KIRREL3: variants seen among roughly 807,000 people sequenced by gnomAD.
The protein encoded by KIRREL3 is kirre like nephrin family adhesion molecule 3, also known as kin of IRRE-like protein 3.
In KIRREL3, 36 loss-of-function variants were observed where a neutral mutation model predicts 89.7. The ratio of observed to expected loss-of-function variants is 0.40; its 90% CI spans 0.31 to 0.53. The LOEUF (loss-of-function observed/expected upper bound fraction) is 0.53. Ranked by LOEUF, KIRREL3 falls within the 20% of genes least tolerant of loss-of-function variation. The pLI is 0.49. For missense variants in KIRREL3, 864 were observed against 1,056.6 expected (o/e 0.82, Z 2.53); for synonymous variants, 445 against 441.4 (o/e 1.01, Z -0.10).
chr11:126,664,606 G>A lies in KIRREL3; in HGVS notation c.56-101694C>T, dbSNP rs556829812. ...ATCATTTCTACAGCAGAGCTGCCCA[G>A]AGGATCACCATTGTTACCAGCTCCG... is the stretch of plus-strand genomic sequence containing the variant. On this transcript the variant is annotated intron_variant, in intron 1 of 16. Transcript: ENST00000525144. The surrounding 1 kb of genome is among the most constrained non-coding windows in gnomAD (Gnocchi z 5.4). 1.3e-5 allele frequency among the ~76,000 whole-genome samples: 2 copies of A among 152,330 alleles called. No homozygotes were observed. The highest frequency in any genetic ancestry group is 4.1e-4 in the South Asian group (2 of 4,820).
intron 1 of KIRREL3, among the ~76,000 whole-genome samples, chr11:126,886,319 A>C (rs1394476817): frequency 1.3e-5 from 2 of 152,158 alleles, no homozygotes; most frequent in Non-Finnish European, 2.9e-5. Flanking sequence ...CCTCTTCGGA[A>C]TCTCTCCTGA....
chr11:126,961,283 C>T (rs1949078226), intron 1 of KIRREL3, among the ~76,000 whole-genome samples: 2 of 152,208 alleles, frequency 1.3e-5, no homozygotes, highest in Non-Finnish European at 2.9e-5. Context: ...TAAAGCTAGA[C>T]CTCTTGTGCC....
At chr11:126,927,725 A>C (rs1250322378) in intron 1 of KIRREL3, among the ~76,000 whole-genome samples, 1 of 152,102 alleles carries the variant, frequency 6.6e-6, no homozygotes, top group East Asian at 1.9e-4. Context: ...GCACAGAAAA[A>C]CCAAGCATAG....
At chr11:126,440,652 C>G in intron 10 of KIRREL3, 103 bp from the exon 11 acceptor site, 1 of 1,064,220 alleles carries the variant, frequency 9.4e-7, no homozygotes, top group Non-Finnish European at 1.4e-6. Context: ...AAGCATTCAG[C>G]AAACATTTGC....
At position 126,715,545 on chromosome 11, in the gene KIRREL3, A is replaced by G. The variant is rs11604370; in HGVS notation, c.56-152633T>C. Among the ~76,000 whole-genome samples the G allele has an allele frequency of 0.062, 9,505 of 152,310 alleles. 366 individuals carry two copies. Among genetic ancestry groups the G allele is most frequent in the Middle Eastern group, 0.12 (34 of 294 alleles). On this transcript the variant is annotated intron_variant, in intron 1 of 16. Transcript: ENST00000525144. This position sits in a 1 kb window ranked among gnomAD's most constrained non-coding sequence, Gnocchi z 4.4. ...AAGATGAAAAAGCTTTTACAGTGACAGGGAAGAAATATTGCAGGCTGCTTG... is the reference window on the plus strand; with the variant it reads ...AAGATGAAAAAGCTTTTACAGTGACGGGGAAGAAATATTGCAGGCTGCTTG...
chr11:126,462,622 C>A lies in KIRREL3; in HGVS notation c.742+535G>T, dbSNP rs947791694. Among the ~76,000 whole-genome samples, 2 of 152,066 alleles carry A rather than the reference C, an allele frequency of 1.3e-5. No homozygotes were observed. The highest frequency in any genetic ancestry group is 2.9e-5 in the Non-Finnish European group (2 of 68,016). On this transcript the variant is annotated intron_variant, in intron 6 of 16. Coordinates refer to ENST00000525144, the MANE Select transcript of KIRREL3 (RefSeq NM_032531.4). The surrounding 1 kb of genome is among the most constrained non-coding windows in gnomAD (Gnocchi z 4.8). ...CAGAGGTTGCAGTGAGCCGAGATTG[C>A]GTCATTACACTCCAGCCTGGGCAAC...
At position 126,723,596 on chromosome 11, in the gene KIRREL3, A is replaced by C. The variant is rs1948264055; in HGVS notation, c.56-160684T>G. ...TAAAATAAAGGCCTTAGTGGATCTC[A>C]ACTTCAGCAAACAGAACATTTTCTA... is the stretch of plus-strand genomic sequence containing the variant. On this transcript the variant is annotated intron_variant, in intron 1 of 16. Coordinates refer to ENST00000525144, the MANE Select transcript of KIRREL3 (RefSeq NM_032531.4). This position sits in a 1 kb window ranked among gnomAD's most constrained non-coding sequence, Gnocchi z 4.0. Among the ~76,000 whole-genome samples, 1 of 152,206 alleles carries C rather than the reference A, an allele frequency of 6.6e-6. No individual in the cohort carries two copies. The highest frequency in any genetic ancestry group is 1.5e-5 in the Non-Finnish European group (1 of 68,048).
Position 126,747,005 on chromosome 11 carries a change from T to C in KIRREL3, c.56-184093A>G, listed in dbSNP as rs1949174601. On this transcript the variant is annotated intron_variant, in intron 1 of 16. Coordinates refer to ENST00000525144, the MANE Select transcript of KIRREL3 (RefSeq NM_032531.4). This position sits in a 1 kb window ranked among gnomAD's most constrained non-coding sequence, Gnocchi z 4.7. ...TAATTAGTGCTGGCTGCTTCCAGGG[T>C]ATATTCTGAAGCATAGACATGCTTC... Among the ~76,000 whole-genome samples the C allele has an allele frequency of 6.6e-6, 1 of 152,174 alleles. No individual in the cohort carries two copies. Among genetic ancestry groups the C allele is most frequent in the African/African-American group, 2.4e-5 (1 of 41,440 alleles).
At chr11:126,448,891 C>T (rs918825844) in intron 8 of KIRREL3, 118 bp downstream of exon 8, 68 of 1,086,862 alleles carry the variant, frequency 6.3e-5, no homozygotes, top group Non-Finnish European at 7.4e-5. Flanking sequence ...AACCATCCTA[C>T]GCTCATGACG....
At chr11:126,941,661 C>A (rs994365563) in intron 1 of KIRREL3, among the ~76,000 whole-genome samples, 4 of 151,790 alleles carry the variant, frequency 2.6e-5, no homozygotes, top group Non-Finnish European at 5.9e-5. Context: ...TGATTCAAGC[C>A]TGGATGAATA....
In KIRREL3 at chr11:126,876,592, C is replaced by T. The variant is rs1002119404; in HGVS notation, c.55+123863G>A. 6.7e-6 allele frequency among the ~76,000 whole-genome samples: 1 copy of T among 148,322 alleles called. No individual in the cohort carries two copies. Among genetic ancestry groups the T allele is most frequent in the Non-Finnish European group, 1.5e-5 (1 of 67,612 alleles). ...TTGCTCTGTCACCCAGGCTGGAGTG[C>T]AGCGGTGCGACCTTGGCCCACTGCA... is the stretch of plus-strand genomic sequence containing the variant. On this transcript the variant is annotated intron_variant, in intron 1 of 16. Coordinates refer to ENST00000525144, the MANE Select transcript of KIRREL3 (RefSeq NM_032531.4). The surrounding 1 kb of genome is among the most constrained non-coding windows in gnomAD (Gnocchi z 4.1).
chr11:126,911,982 C>CAA (rs34548052), intron 1 of KIRREL3, among the ~76,000 whole-genome samples: 22,335 of 91,278 alleles, frequency 0.24, 3,339 homozygotes, highest in African/African-American at 0.4. Context: ...GACTCTGTCT[C>CAA]AAAAAAAAAA....
Position 126,523,701 on chromosome 11 carries a change from C to T in KIRREL3, c.284-2237G>A, listed in dbSNP as rs762800277. Among the ~76,000 whole-genome samples the T allele has an allele frequency of 6.6e-6, 1 of 152,126 alleles. No individual in the cohort carries two copies. The highest frequency in any genetic ancestry group is 1.5e-5 in the Non-Finnish European group (1 of 68,030). ...AGAGGGGCTGGAAATGGGTTCTAGCCCAATCCTCTCCCTGCTGCCGCTGCC... is the reference window on the plus strand; with the variant it reads ...AGAGGGGCTGGAAATGGGTTCTAGCTCAATCCTCTCCCTGCTGCCGCTGCC... On this transcript the variant is annotated intron_variant, in intron 3 of 16. Coordinates refer to ENST00000525144, the MANE Select transcript of KIRREL3 (RefSeq NM_032531.4). The surrounding 1 kb of genome is among the most constrained non-coding windows in gnomAD (Gnocchi z 4.9).
chr11:126,649,839 GA>G (rs1469552932), intron 1 of KIRREL3, among the ~76,000 whole-genome samples: 1 of 152,248 alleles, frequency 6.6e-6, no homozygotes, highest in Non-Finnish European at 1.5e-5. Flanking sequence ...GACTCTGTAT[GA>G]GGGCTCTGAC....
chr11:126,647,641 C>T lies in KIRREL3; in HGVS notation c.56-84729G>A, dbSNP rs1468871992. Among the ~76,000 whole-genome samples the T allele has an allele frequency of 6.6e-6, 1 of 152,196 alleles. No individual in the cohort carries two copies. The highest frequency in any genetic ancestry group is 6.5e-5 in the Admixed American group (1 of 15,284). ...AAATTTGGAATCTGGTCTTCTTGCC[C>T]CTCCAAGGCTACCCCCTGGTCCAAG... On this transcript the variant is annotated intron_variant, in intron 1 of 16. Coordinates refer to ENST00000525144, the MANE Select transcript of KIRREL3 (RefSeq NM_032531.4). This position sits in a 1 kb window ranked among gnomAD's most constrained non-coding sequence, Gnocchi z 4.9.
At chr11:126,960,265 A>G (rs1301003311) in intron 1 of KIRREL3, among the ~76,000 whole-genome samples, 1 of 152,218 alleles carries the variant, frequency 6.6e-6, no homozygotes, top group Admixed American at 6.5e-5. Context: ...ACAAGCAGTT[A>G]TCTTAAGAGC....
chr11:126,435,269 T>G lies in KIRREL3; in HGVS notation c.1587A>C (p.Ala529=). ...CATTCTCATCATCTCCTTCCGTACC[T>G]GCTTCCAGCCCGGCTCCCGACTTCA... ...SEMKSGAGLE[A]ESVPMAVIIG... The change falls in exon 13 of 17, where the codon GCA becomes GCC. Residue 529 remains alanine, a splice_region_variant and synonymous_variant. Coordinates refer to ENST00000525144, the MANE Select transcript of KIRREL3 (RefSeq NM_032531.4). 1 of 1,613,678 alleles carries G rather than the reference T, an allele frequency of 6.2e-7. No individual in the cohort carries two copies. The highest frequency in any genetic ancestry group is 1.1e-5 in the South Asian group (1 of 91,074).
chr11:126,818,958 C>A (rs549984653), intron 1 of KIRREL3, among the ~76,000 whole-genome samples: 72 of 152,244 alleles, frequency 4.7e-4, no homozygotes, highest in Non-Finnish European at 9.6e-4. Context: ...CAATGCCTAA[C>A]CCATGGGGAA....
chr11:126,567,053 G>A (rs953303729), intron 1 of KIRREL3, among the ~76,000 whole-genome samples: 7 of 152,220 alleles, frequency 4.6e-5, no homozygotes, highest in Non-Finnish European at 8.8e-5. Flanking sequence ...ACAGACCAGA[G>A]ACTAGAGCAC....
Sources: allele counts gnomAD v4.1 joint callset (sites outside exome capture counted in the v4.1 genomes callset), GRCh38; gene constraint gnomAD v4.1.1; non-coding constraint Gnocchi (gnomAD v3.1); transcripts MANE v1.5; gene names NCBI Gene and HGNC (gene_info 2026-07-23, HGNC 2026-07-21).